The following POMGNT1 variants were observed in gnomAD, a reference collection of about 807,000 sequenced individuals.
The protein encoded by POMGNT1 is protein O-linked-mannose beta-1,2-N-acetylglucosaminyltransferase 1.
POMGNT1 carries 67 observed loss-of-function variants against 95.6 expected under a neutral mutation model. That is an observed-to-expected ratio of 0.70 (90% confidence interval 0.58 to 0.86). The LOEUF (loss-of-function observed/expected upper bound fraction) is 0.86, where lower values mean the gene tolerates loss of function less well. Among genes scored for constraint, POMGNT1 ranks in the 40% least tolerant of loss-of-function variants. POMGNT1 has a pLI of 0.00. For synonymous variants in POMGNT1, 298 were observed against 317.9 expected (o/e 0.94, Z 0.66); for missense variants, 719 against 855.2 (o/e 0.84, Z 1.99).
rs1413241496 is a variant in POMGNT1 at position 46,190,002 on chromosome 1, G to T, written c.1650-13C>A. 1 of 1,613,626 alleles carries T rather than the reference G, an allele frequency of 6.2e-7. No individual in the cohort carries two copies. The highest frequency in any genetic ancestry group is 1.1e-5 in the South Asian group (1 of 90,842). On this transcript the variant is annotated splice_polypyrimidine_tract_variant and intron_variant, in intron 19 of 21. Coordinates refer to ENST00000371984, the MANE Select transcript of POMGNT1 (RefSeq NM_017739.4). ...AACCTCAGCCTCACTGCAGTAGAGGGTGGGAGAATATAGCCAAGACAGGGC... is the reference window on the plus strand; with the variant it reads ...AACCTCAGCCTCACTGCAGTAGAGGTTGGGAGAATATAGCCAAGACAGGGC...
chr1:46,210,712 T>C (rs138127721), intron 1 of POMGNT1, among the ~76,000 whole-genome samples: 26 of 152,304 alleles, frequency 1.7e-4, no homozygotes, highest in African/African-American at 6.3e-4. Context: ...TTCTGTGCTC[T>C]CCCTGGGTGC....
At chr1:46,191,215 A>C (rs1395617661) in intron 17 of POMGNT1, 2 of 291,056 alleles carry the variant, frequency 6.9e-6, no homozygotes, top group Non-Finnish European at 1.3e-5. Flanking sequence ...CCTCTCTGGG[A>C]GAGGAATGGG....
intron 10 of POMGNT1, 29 bp from the exon 11 acceptor site, chr1:46,193,668 A>G: frequency 6.2e-7 from 1 of 1,613,856 alleles, no homozygotes; most frequent in South Asian, 1.1e-5. Flanking sequence ...GGTTAGGGTC[A>G]CTTCATCACC....
chr1:46,193,374 C>G lies in POMGNT1; in HGVS notation c.1041G>C (p.Val347=). ...TGCCCCTCAGACCAAACAGTGCCAC[C>G]ACATCCATGGGTTCCTGGGGGACAT... The part of the protein sequence containing the change: ...IDGYYEEPMD[V]VALFGLRGIQ... The change falls in exon 12 of 22, where the codon GTG becomes GTC. Residue 347 remains valine (V), a synonymous_variant. Coordinates refer to ENST00000371984, the MANE Select transcript of POMGNT1 (RefSeq NM_017739.4). 6.2e-7 allele frequency: 1 copy of G among 1,612,866 alleles called. No individual in the cohort carries two copies. Among genetic ancestry groups the G allele is most frequent in the Non-Finnish European group, 8.5e-7 (1 of 1,179,478 alleles).
At chr1:46,201,130 CA>C (rs1004457806), upstream of POMGNT1, among the ~76,000 whole-genome samples, 49 of 145,740 alleles carry the variant, frequency 3.4e-4, 1 homozygote, top group Non-Finnish European at 5.5e-4. Context: ...GACTCTGTCT[CA>C]AAAAAAAAAG....
At chr1:46,218,264 T>C (rs916582585) in intron 1 of POMGNT1, among the ~76,000 whole-genome samples, 8 of 152,170 alleles carry the variant, frequency 5.3e-5, no homozygotes, top group Non-Finnish European at 1.2e-4. Flanking sequence ...TGCACGCCTG[T>C]GGTCTTAGCT....
At chr1:46,202,919 T>TGG (rs1404705565), upstream of POMGNT1, among the ~76,000 whole-genome samples, 3 of 13,504 alleles carry the variant, frequency 2.2e-4, no homozygotes, top group Non-Finnish European at 3.1e-4. Context: ...GGGGGGGGGG[T>TGG]GGTGTGTGTG....
At position 46,194,387 on chromosome 1, in the gene POMGNT1, A is replaced by G. The variant is rs2148200613; in HGVS notation, c.766T>C (p.Trp256Arg). The change falls in exon 9 of 22, where the codon TGG becomes CGG. Residue 256 changes from tryptophan (W) to arginine (R), a missense_variant. Transcript: ENST00000371984. ...CGACGGTTCAGCTCTGTGTCTGCCC[A>G]GTGGCACTCTGCCTCTGAGGGAAGG... ...LSSAEEAECH[W>R]ADTELNRRRR... The G allele has an allele frequency of 6.2e-7, 1 of 1,614,200 alleles. No individual in the cohort carries two copies.
chr1:46,205,367 C>T (rs1338734177), intron 1 of POMGNT1, among the ~76,000 whole-genome samples: 4 of 152,074 alleles, frequency 2.6e-5, no homozygotes, highest in South Asian at 2.1e-4. Context: ...CCCAACATCA[C>T]GCAAAAAGCA....
rs762696315 is a variant in POMGNT1, at chr1:46,190,816, C to T, written c.1540-32G>A. ...TGGGTATGAGAGTGAAAATCAGCACCTCACATTGTCTGGCCCACACCCACT... is the reference window on the plus strand; with the variant it reads ...TGGGTATGAGAGTGAAAATCAGCACTTCACATTGTCTGGCCCACACCCACT... On this transcript the variant is annotated intron_variant, in intron 17 of 21. Coordinates refer to ENST00000371984, the MANE Select transcript of POMGNT1 (RefSeq NM_017739.4). 2.4e-5 allele frequency: 38 copies of T among 1,572,204 alleles called. No individual in the cohort carries two copies. The South Asian group carries it at 4.1e-4, about 17-fold the overall frequency.
chr1:46,216,148 G>A (rs1327504843), intron 1 of POMGNT1, among the ~76,000 whole-genome samples: 3 of 133,286 alleles, frequency 2.3e-5, no homozygotes, highest in Admixed American at 1.8e-4. Flanking sequence ...CCAGGTTCAC[G>A]CCATTCTCCT....
intron 1 of POMGNT1, among the ~76,000 whole-genome samples, chr1:46,206,906 A>G (rs931253770): frequency 1.3e-5 from 2 of 152,164 alleles, no homozygotes; most frequent in African/African-American, 4.8e-5. Context: ...GAACATTTCT[A>G]GTACAGGATG....
intron 1 of POMGNT1, among the ~76,000 whole-genome samples, chr1:46,216,458 C>T (rs532558368): frequency 9.8e-5 from 15 of 152,290 alleles, no homozygotes; most frequent in Non-Finnish European, 2.1e-4. Context: ...CCTCTCACCT[C>T]AGCCTCCCGA....
intron 6 of POMGNT1, 44 bp from the exon 7 acceptor site, chr1:46,195,005 A>C: frequency 6.3e-7 from 1 of 1,585,892 alleles, no homozygotes; most frequent in Non-Finnish European, 8.7e-7. Context: ...GCATGGTTCC[A>C]GGAGACCTGG....
At chr1:46,202,906 T>TGG (rs781252454), upstream of POMGNT1, among the ~76,000 whole-genome samples, 692 of 7,516 alleles carry the variant, frequency 0.092, 229 homozygotes, top group Non-Finnish European at 0.18. Context: ...TTCTAGCCCC[T>TGG]GGGGGGGGGG....
chr1:46,198,066 G>C (rs1658379137), intron 1 of POMGNT1, 195 bp from the exon 2 acceptor site: 2 of 570,024 alleles, frequency 3.5e-6, no homozygotes, highest in East Asian at 3.0e-5. Context: ...AATTCCCTGA[G>C]ACTGGAGTAA....
chr1:46,206,841 G>C (rs1658732180), intron 1 of POMGNT1, among the ~76,000 whole-genome samples: 1 of 152,150 alleles, frequency 6.6e-6, no homozygotes, highest in Non-Finnish European at 1.5e-5. Flanking sequence ...AAATGGATTG[G>C]GCAGGATCTG....
chr1:46,213,949 A>G (rs1295700064), intron 1 of POMGNT1, among the ~76,000 whole-genome samples: 2 of 152,154 alleles, frequency 1.3e-5, no homozygotes, highest in East Asian at 3.8e-4. Context: ...CAAGCTTCAT[A>G]CATACACGGT....
chr1:46,192,677 C>T, intron 14 of POMGNT1, 87 bp from the exon 15 acceptor site: 1 of 1,601,510 alleles, frequency 6.2e-7, no homozygotes, highest in Non-Finnish European at 8.5e-7. Flanking sequence ...AGCTGGGTCT[C>T]AGGAGCACCT....
Sources: gnomAD v4.1 joint callset for allele counts (sites outside exome capture counted in the v4.1 genomes callset) on GRCh38, gnomAD v4.1.1 for gene constraint, MANE v1.5 for transcripts, NCBI Gene and HGNC (gene_info 2026-07-23, HGNC 2026-07-21) for gene names.